The following DRGX variants were observed in gnomAD, a reference collection of about 807,000 sequenced individuals.
The protein encoded by DRGX is dorsal root ganglia homeobox protein.
A neutral mutation model predicts 28.6 loss-of-function variants in DRGX; 21 were observed. The ratio of observed to expected loss-of-function variants is 0.73; its 90% CI spans 0.52 to 1.06. The LOEUF (loss-of-function observed/expected upper bound fraction) is 1.06. DRGX is among the 50% of genes least tolerant of loss of function. The pLI, the probability that DRGX is intolerant of heterozygous loss-of-function variation, is 0.00. For synonymous variants in DRGX, 136 were observed against 139.1 expected (o/e 0.98, Z 0.16); for missense variants, 354 against 343.9 (o/e 1.03, Z -0.23).
Position 49,386,813 on chromosome 10 carries a change from C to T in DRGX, c.280G>A (p.Gly94Arg), listed in dbSNP as rs763473316. ...GCTCCTGGCTCCTGGTCTGAGGCCCCTCTCTCTGTCTTCCTCCATTTGGCC... is the reference window on the plus strand; with the variant it reads ...GCTCCTGGCTCCTGGTCTGAGGCCCTTCTCTCTGTCTTCCTCCATTTGGCC... ...RRAKWRKTER[G>R]ASDQEPGAKE... The change falls in exon 5 of 7, where the codon GGG (glycine) becomes AGG (arginine). Residue 94 changes from glycine to arginine, a missense_variant. Coordinates refer to ENST00000374139, the MANE Select transcript of DRGX (RefSeq NM_001276451.2). 3.1e-6 allele frequency: 5 copies of T among 1,596,036 alleles called. No individual in the cohort carries two copies. Among genetic ancestry groups the T allele is most frequent in the Non-Finnish European group, 4.3e-6 (5 of 1,173,118 alleles).
At chr10:49,380,911 C>T (rs901095074) in intron 6 of DRGX, among the ~76,000 whole-genome samples, 1 of 152,184 alleles carries the variant, frequency 6.6e-6, no homozygotes, top group African/African-American at 2.4e-5. Context: ...CCACATGCTA[C>T]CCACTGTCCT....
chr10:49,365,932 G>T lies in DRGX; in HGVS notation c.*184C>A. On this transcript the variant is annotated 3_prime_UTR_variant, in exon 7 of 7. Coordinates refer to ENST00000374139, the MANE Select transcript of DRGX (RefSeq NM_001276451.2). ...AAGCCAGGACAACACTGCCGCACTG[G>T]TGGGACTCCAGAGGGACGCTCCAGG... 3 of 604,612 alleles carry T rather than the reference G, an allele frequency of 5.0e-6. No homozygotes were observed. The highest frequency in any genetic ancestry group is 7.7e-6 in the Non-Finnish European group (3 of 390,092). The allele number at this position is 604,612 out of a possible 1,614,324, so 37.5% of individuals were successfully genotyped here.
At chr10:49,395,302 C>T (rs915875657) in intron 2 of DRGX, 105 bp downstream of exon 2, 3 of 1,425,782 alleles carry the variant, frequency 2.1e-6, no homozygotes, top group Admixed American at 2.1e-5. Flanking sequence ...GCGGCTGCGC[C>T]CCCCGCAGGG....
At chr10:49,377,100 C>T (rs968599158) in intron 6 of DRGX, among the ~76,000 whole-genome samples, 1 of 152,206 alleles carries the variant, frequency 6.6e-6, no homozygotes, top group Non-Finnish European at 1.5e-5. Flanking sequence ...TCTCTGGAGT[C>T]CTGCAGGTGG....
At chr10:49,366,406 C>T in intron 6 of DRGX, 25 bp from the exon 7 acceptor site, 1 of 1,576,486 alleles carries the variant, frequency 6.3e-7, no homozygotes, top group South Asian at 1.2e-5. Context: ...ACAACAGGCT[C>T]CCATCACTGT....
In DRGX at chr10:49,364,110, G is replaced by A. The variant is rs1849572771; in HGVS notation, c.*2006C>T. 1 of 152,196 alleles carries A rather than the reference G, an allele frequency of 6.6e-6. No individual in the cohort carries two copies. The highest frequency in any genetic ancestry group is 2.1e-4 in the South Asian group (1 of 4,832). 9.4% of individuals were successfully genotyped at this position (152,196 alleles called of 1,614,324 possible). On this transcript the variant is annotated 3_prime_UTR_variant, in exon 7 of 7. Transcript: ENST00000374139. ...ATTTATTTGGGTATTTAAACAAACA[G>A]AAACTACATCATGCATCATTACTTT...
At chr10:49,391,399 T>A in intron 2 of DRGX, 138 bp from the exon 3 acceptor site, 1 of 671,328 alleles carries the variant, frequency 1.5e-6, no homozygotes, top group African/African-American at 1.8e-5. Flanking sequence ...TTTCTGTTCC[T>A]CCTATTAAAT....
chr10:49,394,578 A>G (rs560674861), intron 2 of DRGX, among the ~76,000 whole-genome samples: 15 of 152,282 alleles, frequency 9.9e-5, no homozygotes, highest in African/African-American at 3.6e-4. Context: ...GATGGCTACT[A>G]ATTGGCCCCC....
intron 3 of DRGX, 71 bp downstream of exon 3, chr10:49,391,093 A>G (rs1190721150): frequency 7.5e-6 from 11 of 1,475,314 alleles, no homozygotes; most frequent in Non-Finnish European, 1.0e-5. Flanking sequence ...AAGACAAAGA[A>G]GAGTTGCTCA....
At chr10:49,385,892 C>T (rs908392201) in intron 6 of DRGX, among the ~76,000 whole-genome samples, 4 of 152,086 alleles carry the variant, frequency 2.6e-5, no homozygotes, top group Non-Finnish European at 5.9e-5. Context: ...CTGGATAAGC[C>T]CATTCCAGTG....
intron 6 of DRGX, among the ~76,000 whole-genome samples, chr10:49,367,181 C>A (rs993437605): frequency 6.6e-6 from 1 of 152,200 alleles, no homozygotes; most frequent in Non-Finnish European, 1.5e-5. Flanking sequence ...CATAGTGAGA[C>A]CCTATCGCTA....
chr10:49,394,902 G>A (rs1219707876), intron 2 of DRGX, among the ~76,000 whole-genome samples: 1 of 152,252 alleles, frequency 6.6e-6, no homozygotes, highest in African/African-American at 2.4e-5. Flanking sequence ...AGGGAATTGA[G>A]CTGCCCAGAA....
chr10:49,395,495 G>T lies in DRGX; in HGVS notation c.-55C>A, dbSNP rs141419681. ...AGACCTGGGAGGGTGGCAGCAGAAC[G>T]GACCCGCGCGCGTTGCTCCTGCCTG... On this transcript the variant is annotated 5_prime_UTR_variant, in exon 2 of 7. Coordinates refer to ENST00000374139, the MANE Select transcript of DRGX (RefSeq NM_001276451.2). 1.1e-5 allele frequency: 17 copies of T among 1,540,940 alleles called. No homozygotes were observed. The South Asian group carries it at 1.5e-4, about 14-fold the overall frequency.
chr10:49,374,218 C>T (rs1353753729), intron 6 of DRGX, among the ~76,000 whole-genome samples: 1 of 152,138 alleles, frequency 6.6e-6, no homozygotes, highest in Non-Finnish European at 1.5e-5. Context: ...GCACAGAGTC[C>T]CACACAGGTT....
At chr10:49,379,533 T>A (rs186464108) in intron 6 of DRGX, among the ~76,000 whole-genome samples, 309 of 152,344 alleles carry the variant, frequency 2.0e-3, no homozygotes, top group Non-Finnish European at 3.3e-3. Flanking sequence ...CACTTCTGAC[T>A]CTGAGGTCAG....
chr10:49,395,434 A>G lies in DRGX; in HGVS notation c.7T>C (p.Tyr3His). The stretch of plus-strand genomic sequence containing the variant: ...TCTAGCTGTGGCGGGCAGTGGAAAT[A>G]AAACATCGCCGGCTGTCAGATCGGC... MF[Y>H]FHCPPQLEGT... The change falls in exon 2 of 7, where the codon TAT (tyrosine) becomes CAT (histidine). Residue 3 changes from tyrosine (Y) to histidine (H), a missense_variant. Transcript: ENST00000374139. The G allele has an allele frequency of 6.5e-7, 1 of 1,550,318 alleles. No individual in the cohort carries two copies. The highest frequency in any genetic ancestry group is 8.7e-7 in the Non-Finnish European group (1 of 1,146,898).
intron 6 of DRGX, among the ~76,000 whole-genome samples, chr10:49,385,796 G>A (rs957030868): frequency 5.3e-5 from 8 of 151,774 alleles, no homozygotes; most frequent in Admixed American, 1.3e-4. Flanking sequence ...CCAGACGCAC[G>A]CTGGGGCCCA....
At chr10:49,386,648 G>T in intron 5 of DRGX, 32 bp downstream of exon 5, 1 of 1,572,386 alleles carries the variant, frequency 6.4e-7, no homozygotes, top group Non-Finnish European at 8.6e-7. Flanking sequence ...TGCTGCCCAT[G>T]GCCCACCGGG....
intron 4 of DRGX, among the ~76,000 whole-genome samples, chr10:49,387,771 A>G (rs1406406078): frequency 6.6e-6 from 1 of 152,176 alleles, no homozygotes; most frequent in Non-Finnish European, 1.5e-5. Context: ...TTTAGAATCC[A>G]CTGCATCCCT....
Sources: gnomAD v4.1 joint callset for allele counts (sites outside exome capture counted in the v4.1 genomes callset) on GRCh38, gnomAD v4.1.1 for gene constraint, MANE v1.5 for transcripts, NCBI Gene and HGNC (gene_info 2026-07-23, HGNC 2026-07-21) for gene names.